The following OR52K1 variants were observed in gnomAD, a reference collection of about 807,000 sequenced individuals.
The protein encoded by OR52K1 is olfactory receptor family 52 subfamily K member 1.
OR52K1 carries 10 observed loss-of-function variants against 8.7 expected under a neutral mutation model. The ratio of observed to expected loss-of-function variants is 1.15; its 90% CI spans 0.71 to 1.95. The LOEUF (loss-of-function observed/expected upper bound fraction) is 1.95, where lower values mean the gene tolerates loss of function less well. OR52K1 is among the 30% of genes most tolerant of loss of function. The pLI, the probability that OR52K1 is intolerant of heterozygous loss-of-function variation, is 0.00. For missense variants in OR52K1, 431 were observed against 397.2 expected (o/e 1.08, Z -0.72); for synonymous variants, 203 against 148.5 (o/e 1.37, Z -2.67).
At chr11:4,484,817 T>TG (rs1846307228) in intron 1 of OR52K1, among the ~76,000 whole-genome samples, 1 of 135,078 alleles carries the variant, frequency 7.4e-6, no homozygotes, top group African/African-American at 3.0e-5. Context: ...ATGATACTTC[T>TG]GTTCTAAAAC....
chr11:4,484,835 C>CACACAG (rs1165735902), intron 1 of OR52K1, among the ~76,000 whole-genome samples: 14 of 127,860 alleles, frequency 1.1e-4, no homozygotes, highest in African/African-American at 1.8e-4. Context: ...AACACACAGA[C>CACACAG]ACACACACAC....
intron 1 of OR52K1, among the ~76,000 whole-genome samples, chr11:4,484,360 T>C (rs900092772): frequency 6.6e-6 from 1 of 152,132 alleles, no homozygotes; most frequent in African/African-American, 2.4e-5. Flanking sequence ...GGAAACGCAA[T>C]GGGCAACGTG....
intron 1 of OR52K1, among the ~76,000 whole-genome samples, chr11:4,488,368 T>C (rs752770365): frequency 4.7e-4 from 72 of 152,282 alleles, no homozygotes; most frequent in Non-Finnish European, 8.2e-4. Context: ...TCAGATAAAG[T>C]AGTTTTAGGG....
rs113985327 is a variant in OR52K1, at chr11:4,489,684, G to A, written c.784G>A (p.Val262Ile). The A allele has an allele frequency of 6.8e-6, 11 of 1,614,170 alleles. No individual in the cohort carries two copies. The highest frequency in any genetic ancestry group is 6.7e-5 in the African/African-American group (5 of 75,030). The change falls in exon 2 of 2, where the codon GTC becomes ATC. Residue 262 changes from valine to isoleucine, a missense_variant. Val to Ile is a conservative substitution (Grantham distance 29, BLOSUM62 3). Coordinates refer to ENST00000641528, the MANE Select transcript of OR52K1 (RefSeq NM_001005171.3). ...STYTPVVISS[V>I]MHRVARHAAP... is the part of the protein sequence containing the mutation. Reference sequence around the variant, plus strand: ...CTACACTCCAGTAGTCATCTCTTCAGTCATGCACCGTGTAGCCCGCCATGC... The same window carrying A: ...CTACACTCCAGTAGTCATCTCTTCAATCATGCACCGTGTAGCCCGCCATGC...
Position 4,485,439 on chromosome 11 carries a change from G to A in OR52K1, c.-329+2263G>A, listed in dbSNP as rs538460877. Among the ~76,000 whole-genome samples the A allele has an allele frequency of 5.9e-5, 9 of 151,988 alleles. No homozygotes were observed. The South Asian group carries it at 6.2e-4, about 11-fold the overall frequency. ...CACCATGTTCAAAAATTGAAGTCTC[G>A]AGCTCCTCCTTTCATGCTTTCCCCG... On this transcript the variant is annotated intron_variant, in intron 1 of 1. Coordinates refer to ENST00000641528, the MANE Select transcript of OR52K1 (RefSeq NM_001005171.3).
At position 4,488,947 on chromosome 11, in the gene OR52K1, T is replaced by C. The variant is rs1400291721; in HGVS notation, c.47T>C (p.Leu16Ser). ...TCAACACATCCAGCTGTCTTTTTGT[T>C]GGTAGGAATTCCTGGTTTGGAACAC... ...ITSTHPAVFLLVGIPGLEHLH... is the reference protein window; with the variant it reads ...ITSTHPAVFLSVGIPGLEHLH... The change falls in exon 2 of 2, where the codon TTG becomes TCG. Residue 16 changes from leucine to serine, a missense_variant. Transcript: ENST00000641528. The C allele has an allele frequency of 1.2e-6, 2 of 1,613,968 alleles. No individual in the cohort carries two copies. Among genetic ancestry groups the C allele is most frequent in the Non-Finnish European group, 1.7e-6 (2 of 1,179,984 alleles).
At position 4,484,643 on chromosome 11, in the gene OR52K1, G is replaced by GT. The variant is rs140270088; in HGVS notation, c.-329+1468dup. Reference sequence around the variant, plus strand: ...GGAGCTTACAAGGAATGTAAGGTATGTAAATTTGTGTTTGTTTCAGGATAT... The same window carrying GT: ...GGAGCTTACAAGGAATGTAAGGTATGTTAAATTTGTGTTTGTTTCAGGATAT... On this transcript the variant is annotated intron_variant, in intron 1 of 1. Transcript: ENST00000641528. 8.5e-3 allele frequency among the ~76,000 whole-genome samples: 1,295 copies of GT among 152,144 alleles called. 3 individuals are homozygous for GT. The highest frequency in any genetic ancestry group is 0.014 in the Non-Finnish European group (966 of 67,980).
In OR52K1 at chr11:4,492,283, A is replaced by G. The variant is rs949337821; in HGVS notation, c.*2438A>G. 6.6e-6 allele frequency: 1 copy of G among 150,634 alleles called. No individual in the cohort carries two copies. Among genetic ancestry groups the G allele is most frequent in the African/African-American group, 2.5e-5 (1 of 40,744 alleles). The allele number at this position is 150,634 out of a possible 1,614,324, so 9.3% of individuals were successfully genotyped here. ...GTGTTTGAGCTGCTAAAAAAAAAAAATAAACTTTAAAATATGGCTGGAAAG... is the reference window on the plus strand; with the variant it reads ...GTGTTTGAGCTGCTAAAAAAAAAAAGTAAACTTTAAAATATGGCTGGAAAG... On this transcript the variant is annotated 3_prime_UTR_variant, in exon 2 of 2. Coordinates refer to ENST00000641528, the MANE Select transcript of OR52K1 (RefSeq NM_001005171.3).
Position 4,483,948 on chromosome 11 carries a change from G to T in OR52K1, c.-329+772G>T, listed in dbSNP as rs533250121. ...AAAATAGTATTTTCCATTAAGAAGA[G>T]AATTTTATTCTGATGCAGGTAACAA... is the stretch of plus-strand genomic sequence containing the variant. On this transcript the variant is annotated intron_variant, in intron 1 of 1. Coordinates refer to ENST00000641528, the MANE Select transcript of OR52K1 (RefSeq NM_001005171.3). 3.8e-3 allele frequency among the ~76,000 whole-genome samples: 573 copies of T among 152,296 alleles called. 7 individuals are homozygous for T. Among genetic ancestry groups the T allele is most frequent in the African/African-American group, 0.013 (526 of 41,550 alleles).
Position 4,489,986 on chromosome 11 carries a change from T to C in OR52K1, c.*141T>C. 1 of 667,586 alleles carries C rather than the reference T, an allele frequency of 1.5e-6. No individual in the cohort carries two copies. Among genetic ancestry groups the C allele is most frequent in the Non-Finnish European group, 2.5e-6 (1 of 393,692 alleles). 41.4% of individuals were successfully genotyped at this position (667,586 alleles called of 1,614,324 possible). On this transcript the variant is annotated 3_prime_UTR_variant, in exon 2 of 2. Coordinates refer to ENST00000641528, the MANE Select transcript of OR52K1 (RefSeq NM_001005171.3). ...GATAAGGAAAATGAGGTTTCATTCC[T>C]CACAGATCTACGAGTCAGGTCAAAC...
chr11:4,489,223 C>T lies in OR52K1; in HGVS notation c.323C>T (p.Ser108Phe). The change falls in exon 2 of 2, where the codon TCC becomes TTC. Residue 108 changes from serine (S) to phenylalanine (F), a missense_variant. Transcript: ENST00000641528. ...CTGGTCCAGATGTTCTTCCTTCACT[C>T]CTTCTCCATCATGGAGTCAGCAGTG... ...ACLVQMFFLH[S>F]FSIMESAVLL... 1.2e-6 allele frequency: 2 copies of T among 1,614,152 alleles called. No individual in the cohort carries two copies. The highest frequency in any genetic ancestry group is 1.7e-6 in the Non-Finnish European group (2 of 1,180,038).
chr11:4,489,664 C>A lies in OR52K1; in HGVS notation c.764C>A (p.Thr255Asn). 6 of 1,614,210 alleles carry A rather than the reference C, an allele frequency of 3.7e-6. No homozygotes were observed. Among genetic ancestry groups the A allele is most frequent in the Non-Finnish European group, 5.1e-6 (6 of 1,180,036 alleles). The change falls in exon 2 of 2, where the codon ACT becomes AAT. Residue 255 changes from threonine to asparagine, a missense_variant. Thr to Asn is a moderately conservative substitution (Grantham distance 65). Transcript: ENST00000641528. ...SHIGAILSTY[T>N]PVVISSVMHR... ...ATAGGTGCCATCCTGTCCACCTACACTCCAGTAGTCATCTCTTCAGTCATG... is the reference window on the plus strand; with the variant it reads ...ATAGGTGCCATCCTGTCCACCTACAATCCAGTAGTCATCTCTTCAGTCATG...
chr11:4,483,860 T>C (rs1846299731), intron 1 of OR52K1, among the ~76,000 whole-genome samples: 1 of 151,798 alleles, frequency 6.6e-6, no homozygotes, highest in African/African-American at 2.4e-5. Context: ...TACTTGAAAA[T>C]AAAAATGTCT....
intron 1 of OR52K1, among the ~76,000 whole-genome samples, chr11:4,487,660 T>A (rs981331859): frequency 4.6e-5 from 7 of 152,224 alleles, no homozygotes; most frequent in African/African-American, 1.7e-4. Context: ...TTAGCTATAA[T>A]ATCTTAGAGC....
At position 4,489,036 on chromosome 11, in the gene OR52K1, AC is replaced by A. The variant is rs754980218; in HGVS notation, c.139del (p.Leu47PhefsTer92). 3 of 1,614,002 alleles carry A rather than the reference AC, an allele frequency of 1.9e-6. No homozygotes were observed. The South Asian group carries it at 3.3e-5, about 18-fold the overall frequency. On this transcript the variant is annotated frameshift_variant, in exon 2 of 2. Transcript: ENST00000641528. LOFTEE classifies it high-confidence loss of function. ...TACTCTGGCCCTGCTAGGCAACTGT[AC>A]CCTTCTCTTCATTATCCAGGCTGAT... Reference protein sequence around the residue: ...AYTLALLGNCTLLFIIQADAA... With the variant: ...AYTLALLGNCXLLFIIQADAA...
At chr11:4,487,422 T>C (rs933020950) in intron 1 of OR52K1, among the ~76,000 whole-genome samples, 1 of 152,194 alleles carries the variant, frequency 6.6e-6, no homozygotes, top group African/African-American at 2.4e-5. Context: ...AACTAGTACA[T>C]AAGTGATTTG....
intron 1 of OR52K1, among the ~76,000 whole-genome samples, chr11:4,485,962 G>C (rs1417869760): frequency 6.6e-6 from 1 of 152,110 alleles, no homozygotes; most frequent in African/African-American, 2.4e-5. Context: ...ATGTCTTGGG[G>C]CATTTTCTCT....
rs1289261402 is a variant in OR52K1, at chr11:4,489,765, G to T, written c.865G>T (p.Val289Phe). The T allele has an allele frequency of 6.2e-7, 1 of 1,614,090 alleles. No individual in the cohort carries two copies. The highest frequency in any genetic ancestry group is 8.5e-7 in the Non-Finnish European group (1 of 1,180,014). Residue 289 changes from valine (V) to phenylalanine (F), a missense_variant, in exon 2 of 2, where the codon GTC (valine) becomes TTC (phenylalanine). Val to Phe is a conservative substitution (Grantham distance 50, BLOSUM62 -1). Coordinates refer to ENST00000641528, the MANE Select transcript of OR52K1 (RefSeq NM_001005171.3). Reference protein sequence around the residue: ...AIFYLLFPPMVNPIIYGVKTK... With the variant: ...AIFYLLFPPMFNPIIYGVKTK... ...TTTCTATCTCCTTTTCCCACCCATG[G>T]TCAATCCTATCATATATGGAGTCAA...
chr11:4,493,091 T>C lies in OR52K1; in HGVS notation c.*3246T>C, dbSNP rs1846392961. On this transcript the variant is annotated 3_prime_UTR_variant, in exon 2 of 2. Transcript: ENST00000641528. ...TTTCTTCTATGCATTTCAAAGACTT[T>C]TAGTACTTTCACTTATTCTGCTACT... The C allele has an allele frequency of 6.6e-6, 1 of 152,380 alleles. No individual in the cohort carries two copies. The highest frequency in any genetic ancestry group is 1.5e-5 in the Non-Finnish European group (1 of 68,214). 9.4% of individuals were successfully genotyped at this position (152,380 alleles called of 1,614,324 possible). A position where few individuals can be genotyped will look rare whatever the true frequency, so the allele number is the denominator to read the frequency against.
Sources: allele counts gnomAD v4.1 joint callset (sites outside exome capture counted in the v4.1 genomes callset), GRCh38; gene constraint gnomAD v4.1.1; transcripts MANE v1.5; gene names NCBI Gene and HGNC (gene_info 2026-07-23, HGNC 2026-07-21).